The following KCNU1 variants were observed in gnomAD, a reference collection of about 807,000 sequenced individuals.
KCNU1 encodes potassium channel subfamily U member 1.
KCNU1 carries 93 observed loss-of-function variants against 126.8 expected under a neutral mutation model. The ratio of observed to expected loss-of-function variants is 0.73; its 90% CI spans 0.62 to 0.87. The LOEUF (loss-of-function observed/expected upper bound fraction) is 0.87. Ranked by LOEUF, KCNU1 falls within the 40% of genes least tolerant of loss-of-function variation. The pLI, the probability that KCNU1 is intolerant of heterozygous loss-of-function variation, is 0.00. For synonymous variants in KCNU1, 523 were observed against 494.2 expected (o/e 1.06, Z -0.77); for missense variants, 1,330 against 1,367.1 (o/e 0.97, Z 0.43).
chr8:36,849,580 A>C (rs574905988), intron 18 of KCNU1, among the ~76,000 whole-genome samples: 1 of 152,284 alleles, frequency 6.6e-6, no homozygotes, highest in Non-Finnish European at 1.5e-5. Context: ...ACAGAGCAAG[A>C]CTGTCTCAAA....
Position 36,935,376 on chromosome 8 carries a change from T to A in KCNU1, c.3045-139T>A. On this transcript the variant is annotated intron_variant, in intron 26 of 26. Transcript: ENST00000399881. ...GTACTAAATAGCTATTTACTATTAA[T>A]CAGAAACCCATGAAGCAAAACAAAA... 5 of 664,450 alleles carry A rather than the reference T, an allele frequency of 7.5e-6. No homozygotes were observed. In the Admixed American group the frequency reaches 1.3e-4, roughly 18 times the overall value. 41.2% of individuals were successfully genotyped at this position (664,450 alleles called of 1,614,324 possible).
Position 36,911,006 on chromosome 8 carries a change from C to T in KCNU1, c.2408C>T (p.Pro803Leu), listed in dbSNP as rs372044676. Residue 803 changes from proline (P) to leucine (L), a missense_variant, in exon 22 of 27, where the codon CCA becomes CTA. Physicochemically the swap from Pro to Leu is moderately conservative, Grantham distance 98. This residue lies in a region of KCNU1 where 1,054 missense variants were observed against 1,053.9 expected (regional missense o/e 1.00). Transcript: ENST00000399881. ...TCCATGTGTGCTGTCTTGTCCCCCC[C>T]ACCCCAGCCATCAAGCAACCAGACT... ...QCSMCAVLSP[P>L]PQPSSNQTLV... The T allele has an allele frequency of 2.7e-5, 44 of 1,613,654 alleles. No homozygotes were observed. Among genetic ancestry groups the T allele is most frequent in the African/African-American group, 1.3e-4 (10 of 74,970 alleles).
Position 36,840,531 on chromosome 8 carries a change from T to A in KCNU1, c.1587T>A (p.Arg529=). ...NSMKNKILTQ[R]LSDDFAGMSF... Reference sequence around the variant, plus strand: ...TGAAAAACAAAATTCTGACCCAACGTCTCTCTGATGACTTTGCTGGAATGA... The same window carrying A: ...TGAAAAACAAAATTCTGACCCAACGACTCTCTGATGACTTTGCTGGAATGA... The change falls in exon 15 of 27, where the codon CGT becomes CGA. Residue 529 remains arginine (R), a synonymous_variant. Transcript: ENST00000399881. 6.2e-7 allele frequency: 1 copy of A among 1,613,074 alleles called. No homozygotes were observed. Among genetic ancestry groups the A allele is most frequent in the Non-Finnish European group, 8.5e-7 (1 of 1,179,298 alleles).
intron 19 of KCNU1, among the ~76,000 whole-genome samples, chr8:36,875,570 A>C (rs1389533068): frequency 1.3e-5 from 2 of 151,904 alleles, no homozygotes; most frequent in African/African-American, 4.8e-5. Flanking sequence ...ATCCAGTGAT[A>C]GGGCTTTGTA....
chr8:36,920,853 C>T (rs574430636), intron 23 of KCNU1, among the ~76,000 whole-genome samples: 5 of 152,320 alleles, frequency 3.3e-5, no homozygotes, highest in African/African-American at 1.2e-4. Flanking sequence ...TAAAGCTGTT[C>T]TCAGAAGAAA....
At chr8:36,817,364 T>TGGC (rs1477924190) in intron 9 of KCNU1, among the ~76,000 whole-genome samples, 1 of 151,940 alleles carries the variant, frequency 6.6e-6, no homozygotes, top group Non-Finnish European at 1.5e-5. Flanking sequence ...CTGGGCGTGG[T>TGGC]GGCGCATGCC....
chr8:36,861,527 G>T (rs1051619409), intron 18 of KCNU1, among the ~76,000 whole-genome samples: 1 of 152,190 alleles, frequency 6.6e-6, no homozygotes, highest in African/African-American at 2.4e-5. Context: ...CCCCACTTCT[G>T]CAAGACTAAG....
Position 36,833,482 on chromosome 8 carries a change from G to A in KCNU1, c.1107-72G>A. ...GGATTCTACTAAATGCACCAAATTA[G>A]TTATAAAAACCTCTAAACCCAGAGT... is the stretch of plus-strand genomic sequence containing the variant. On this transcript the variant is annotated intron_variant, in intron 10 of 26. Transcript: ENST00000399881. 4.7e-6 allele frequency: 4 copies of A among 842,720 alleles called. No homozygotes were observed. In the South Asian group the frequency reaches 5.7e-5, roughly 12 times the overall value. The allele number at this position is 842,720 out of a possible 1,614,324, so 52.2% of individuals were successfully genotyped here. A position where few individuals can be genotyped will look rare whatever the true frequency, so the allele number is the denominator to read the frequency against.
At chr8:36,912,125 C>A (rs913973647) in intron 22 of KCNU1, among the ~76,000 whole-genome samples, 1 of 152,188 alleles carries the variant, frequency 6.6e-6, no homozygotes, top group African/African-American at 2.4e-5. Flanking sequence ...TTGGGCCATG[C>A]AGCCTCTGAC....
At chr8:36,920,726 G>A (rs376887688) in intron 23 of KCNU1, among the ~76,000 whole-genome samples, 38 of 152,174 alleles carry the variant, frequency 2.5e-4, no homozygotes, top group Non-Finnish European at 4.6e-4. Context: ...GTGTGTGTGC[G>A]TGCGCGCACG....
chr8:36,793,913 G>C (rs191693881), intron 2 of KCNU1, among the ~76,000 whole-genome samples: 2 of 151,988 alleles, frequency 1.3e-5, no homozygotes, highest in African/African-American at 4.8e-5. Context: ...AATTGGCCAG[G>C]CATGGTGGTG....
Position 36,881,796 on chromosome 8 carries a change from TCACACACACACACA to T in KCNU1, c.2009+17310_2009+17323del, listed in dbSNP as rs10522369. Among the ~76,000 whole-genome samples, 405 of 138,928 alleles carry T rather than the reference TCACACACACACACA, an allele frequency of 2.9e-3. 1 individual carries two copies. Among genetic ancestry groups the T allele is most frequent in the African/African-American group, 5.1e-3 (188 of 36,510 alleles). 91.1% of individuals were successfully genotyped at this position (138,928 alleles called of 152,430 possible). A position where few individuals can be genotyped will look rare whatever the true frequency, so the allele number is the denominator to read the frequency against. ...CATGGTGTTGCTGGGAAAAGTCAAATCACACACACACACACACACACACACACACACACACACAC... is the reference window on the plus strand; with the variant it reads ...CATGGTGTTGCTGGGAAAAGTCAAATCACACACACACACACACACACACAC... On this transcript the variant is annotated intron_variant, in intron 19 of 26. Coordinates refer to ENST00000399881, the MANE Select transcript of KCNU1 (RefSeq NM_001031836.3).
At chr8:36,856,471 C>T (rs1466865293) in intron 18 of KCNU1, among the ~76,000 whole-genome samples, 1 of 152,176 alleles carries the variant, frequency 6.6e-6, no homozygotes, top group African/African-American at 2.4e-5. Flanking sequence ...AGTGACTTGG[C>T]TGAACTGTTT....
chr8:36,845,875 AG>A lies in KCNU1; in HGVS notation c.1868del (p.Ser623ThrfsTer12). On this transcript the variant is annotated frameshift_variant, in exon 18 of 27. Coordinates refer to ENST00000399881, the MANE Select transcript of KCNU1 (RefSeq NM_001031836.3). LOFTEE classifies it high-confidence loss of function. ...PELITNCGCK[S>X]RSRQHITVPS... ...GCTAATTACAAACTGTGGCTGCAAA[AG>A]CAGAAGCCGGCAGCACATCACAGGT... The A allele has an allele frequency of 1.2e-6, 2 of 1,601,778 alleles. No individual in the cohort carries two copies. Among genetic ancestry groups the A allele is most frequent in the Non-Finnish European group, 1.7e-6 (2 of 1,173,016 alleles).
chr8:36,908,372 T>A, intron 20 of KCNU1, among the ~76,000 whole-genome samples: 1 of 152,040 alleles, frequency 6.6e-6, no homozygotes, highest in South Asian at 2.1e-4. Flanking sequence ...TGAGATCAAA[T>A]GAAATTTTTT....
intron 1 of KCNU1, 35 bp from the exon 2 acceptor site, chr8:36,787,271 A>G: frequency 1.3e-6 from 2 of 1,571,732 alleles, no homozygotes; most frequent in Non-Finnish European, 1.7e-6. Context: ...TCTCAGATCC[A>G]GCTCACATTG....
chr8:36,836,297 G>A lies in KCNU1; in HGVS notation c.1297G>A (p.Val433Met). Residue 433 changes from valine to methionine, a missense_variant and splice_region_variant, in exon 13 of 27, where the codon GTG becomes ATG. By Grantham distance (21) the Val-to-Met change is conservative (BLOSUM62 1). Transcript: ENST00000399881. ...TGAGAGTGTTTGGGGTTTATATAGG[G>A]TGCTCTCTATCAAGAACTATGATTC... ...HAEDISNIMR[V>M]LSIKNYDSTT... 6.3e-7 allele frequency: 1 copy of A among 1,597,572 alleles called. No individual in the cohort carries two copies. The highest frequency in any genetic ancestry group is 8.6e-7 in the Non-Finnish European group (1 of 1,165,680).
chr8:36,805,386 A>G (rs1803460471), intron 4 of KCNU1, 101 bp downstream of exon 4: 2 of 718,680 alleles, frequency 2.8e-6, no homozygotes, highest in African/African-American at 1.8e-5. Context: ...CGAGTTTTCA[A>G]CTCTAAAGAT....
intron 19 of KCNU1, among the ~76,000 whole-genome samples, chr8:36,898,180 A>G (rs950525069): frequency 6.6e-6 from 1 of 152,144 alleles, no homozygotes; most frequent in Non-Finnish European, 1.5e-5. Flanking sequence ...AGCAATATGG[A>G]TAAGAAGACT....
Sources: allele counts gnomAD v4.1 joint callset (sites outside exome capture counted in the v4.1 genomes callset), GRCh38; gene constraint gnomAD v4.1.1; regional missense constraint gnomAD v4.1.1; transcripts MANE v1.5; gene names NCBI Gene and HGNC (gene_info 2026-07-23, HGNC 2026-07-21).